PHACTR3: variants seen among roughly 807,000 people sequenced by gnomAD.
The protein encoded by PHACTR3 is phosphatase and actin regulator 3.
A neutral mutation model predicts 66.8 loss-of-function variants in PHACTR3; 16 were observed. That is an observed-to-expected ratio of 0.24 (90% CI 0.16 to 0.36). The LOEUF (loss-of-function observed/expected upper bound fraction) is 0.36, where lower values mean the gene tolerates loss of function less well. PHACTR3 is among the 10% of genes least tolerant of loss of function. The pLI is 1.00. For synonymous variants in PHACTR3, 323 were observed against 292.1 expected (o/e 1.11, Z -1.08); for missense variants, 647 against 719.9 (o/e 0.90, Z 1.16).
At chr20:59,643,443 T>G (rs2035175114) in intron 1 of PHACTR3, among the ~76,000 whole-genome samples, 1 of 152,238 alleles carries the variant, frequency 6.6e-6, no homozygotes, top group Non-Finnish European at 1.5e-5. Flanking sequence ...ATTATGATTT[T>G]AAGCATCTTG....
chr20:59,807,612 G>T (rs918317685), intron 8 of PHACTR3, among the ~76,000 whole-genome samples: 13 of 152,140 alleles, frequency 8.5e-5, no homozygotes, highest in Non-Finnish European at 1.6e-4. Context: ...GTACTGCACG[G>T]TTACACGCAC....
intron 1 of PHACTR3, among the ~76,000 whole-genome samples, chr20:59,707,520 G>A (rs1474537932): frequency 6.8e-6 from 1 of 146,246 alleles, no homozygotes; most frequent in African/African-American, 2.6e-5. Flanking sequence ...GAGTGCAGTG[G>A]CAGTGGCATA....
intron 11 of PHACTR3, among the ~76,000 whole-genome samples, chr20:59,841,849 C>A (rs927248700): frequency 1.3e-5 from 2 of 152,014 alleles, no homozygotes; most frequent in Non-Finnish European, 2.9e-5. Flanking sequence ...TAACAGCCCC[C>A]ACAACAAAGG....
chr20:59,817,060 A>G (rs2041906735), intron 8 of PHACTR3, among the ~76,000 whole-genome samples: 3 of 152,336 alleles, frequency 2.0e-5, no homozygotes, highest in Middle Eastern at 3.4e-3. Flanking sequence ...ATTTCCTAAG[A>G]GTTTATTTCA....
At chr20:59,682,105 C>T (rs565012282) in intron 1 of PHACTR3, among the ~76,000 whole-genome samples, 46 of 152,182 alleles carry the variant, frequency 3.0e-4, no homozygotes, top group South Asian at 8.3e-4. Flanking sequence ...TTTGGGAGGC[C>T]GAGGCAGGTG....
At chr20:59,819,695 T>A (rs1435593347) in intron 8 of PHACTR3, among the ~76,000 whole-genome samples, 2 of 151,894 alleles carry the variant, frequency 1.3e-5, no homozygotes, top group Non-Finnish European at 2.9e-5. Context: ...GGCACCTGGT[T>A]GGGCCAGTGC....
At chr20:59,582,714 T>C (rs2032896161) in intron 1 of PHACTR3, among the ~76,000 whole-genome samples, 1 of 152,224 alleles carries the variant, frequency 6.6e-6, no homozygotes. Flanking sequence ...TTTCACTCTC[T>C]GAGCGTTGCC....
chr20:59,672,103 GA>G (rs2036212614), intron 1 of PHACTR3, among the ~76,000 whole-genome samples: 1 of 152,196 alleles, frequency 6.6e-6, no homozygotes, highest in Non-Finnish European at 1.5e-5. Flanking sequence ...GCACCGTCTG[GA>G]GGCATTTTCA....
At chr20:59,698,896 C>T (rs866420590) in intron 1 of PHACTR3, among the ~76,000 whole-genome samples, 1 of 152,154 alleles carries the variant, frequency 6.6e-6, no homozygotes, top group Non-Finnish European at 1.5e-5. Context: ...GCTTGCCATC[C>T]TCTGGCCTAG....
At chr20:59,813,284 G>A (rs911501630) in intron 8 of PHACTR3, among the ~76,000 whole-genome samples, 6 of 152,216 alleles carry the variant, frequency 3.9e-5, no homozygotes, top group African/African-American at 9.6e-5. Flanking sequence ...TGCCGCAAGC[G>A]CTGACGGTTT....
chr20:59,650,032 T>C (rs1474752127), intron 1 of PHACTR3, among the ~76,000 whole-genome samples: 1 of 152,178 alleles, frequency 6.6e-6, no homozygotes, highest in Non-Finnish European at 1.5e-5. Flanking sequence ...AATACTAGGC[T>C]CTAGATATAA....
chr20:59,807,825 G>T (rs1054597845), intron 8 of PHACTR3, among the ~76,000 whole-genome samples: 1 of 152,168 alleles, frequency 6.6e-6, no homozygotes, highest in Non-Finnish European at 1.5e-5. Flanking sequence ...GTCATGAGGT[G>T]CATGTCTGTG....
chr20:59,645,439 C>A (rs950295306), intron 1 of PHACTR3, among the ~76,000 whole-genome samples: 4 of 151,880 alleles, frequency 2.6e-5, no homozygotes, highest in African/African-American at 9.7e-5. Context: ...AAACAGCCTC[C>A]CTCAGATCCC....
chr20:59,667,590 A>G (rs568344551), intron 1 of PHACTR3, among the ~76,000 whole-genome samples: 2 of 152,144 alleles, frequency 1.3e-5, no homozygotes, highest in Admixed American at 1.3e-4. Flanking sequence ...GACAGAAGGG[A>G]TTTTTCTGAC....
At chr20:59,785,431 G>C (rs1323676499) in intron 7 of PHACTR3, among the ~76,000 whole-genome samples, 1 of 152,162 alleles carries the variant, frequency 6.6e-6, no homozygotes, top group Non-Finnish European at 1.5e-5. Context: ...TGTGAATTCT[G>C]GGGCAGAGCG....
At chr20:59,720,104 A>C (rs1018060762) in intron 1 of PHACTR3, among the ~76,000 whole-genome samples, 2 of 152,138 alleles carry the variant, frequency 1.3e-5, no homozygotes, top group Non-Finnish European at 2.9e-5. Flanking sequence ...CAGACCTAAA[A>C]CGAGGAAGGG....
chr20:59,729,415 G>C (rs2038685860), intron 1 of PHACTR3, among the ~76,000 whole-genome samples: 1 of 152,176 alleles, frequency 6.6e-6, no homozygotes, highest in South Asian at 2.1e-4. Context: ...GCAGTGTGCA[G>C]AGTGAGGGGG....
At chr20:59,695,454 A>G (rs780073137) in intron 1 of PHACTR3, among the ~76,000 whole-genome samples, 1 of 152,140 alleles carries the variant, frequency 6.6e-6, no homozygotes, top group Non-Finnish European at 1.5e-5. Context: ...TGAGGTCTCT[A>G]CAGTCGTGCT....
intron 4 of PHACTR3, among the ~76,000 whole-genome samples, chr20:59,764,063 G>A (rs1051135328): frequency 1.3e-5 from 2 of 152,238 alleles, no homozygotes; most frequent in Admixed American, 6.5e-5. Context: ...ATCCTGAAAA[G>A]AAGGATAAGT....
Sources: allele counts gnomAD v4.1 joint callset (sites outside exome capture counted in the v4.1 genomes callset), GRCh38; gene constraint gnomAD v4.1.1; transcripts MANE v1.5; gene names NCBI Gene and HGNC (gene_info 2026-07-23, HGNC 2026-07-21).